Variants in SLC44A5 observed in about 807,000 individuals in gnomAD.
SLC44A5 encodes choline transporter-like protein 5.
A neutral mutation model predicts 101.8 loss-of-function variants in SLC44A5; 57 were observed. That is an observed-to-expected ratio of 0.56 (90% CI 0.45 to 0.70). SLC44A5 has a LOEUF of 0.70. Among genes scored for constraint, SLC44A5 ranks in the 30% least tolerant of loss-of-function variants. The pLI, the probability that SLC44A5 is intolerant of heterozygous loss-of-function variation, is 0.00. For missense variants in SLC44A5, 737 were observed against 853.1 expected, an observed-to-expected ratio of 0.86 and a Z score of 1.70; for synonymous variants, 281 against 290.9, an observed-to-expected ratio of 0.97 and a Z score of 0.35.
At chr1:75,722,199 T>G in the SLC44A5 span, among the ~76,000 whole-genome samples, 2 of 152,290 alleles carry the variant, frequency 1.3e-5, no homozygotes, top group African/African-American at 4.8e-5. Flanking sequence ...GTGATAATGA[T>G]ATTGAGAAGA....
At chr1:75,646,303 T>G in the SLC44A5 span, among the ~76,000 whole-genome samples, 1 of 150,242 alleles carries the variant, frequency 6.7e-6, no homozygotes, top group East Asian at 2.1e-4. Context: ...CCTCTTTTAT[T>G]TCATTGAGCA....
chr1:75,668,315 CTTTTTTTTTTTTTTTTT>C, the SLC44A5 span, among the ~76,000 whole-genome samples: 1 of 65,088 alleles, frequency 1.5e-5, no homozygotes, highest in Non-Finnish European at 2.8e-5. Context: ...TCCTAGGAGC[CTTTTTTTTTTTTTTTTT>C]TTTTTTTTTG....
chr1:75,295,614 A>G lies in SLC44A5; in HGVS notation c.175+4998T>C, dbSNP rs1261075870. The stretch of plus-strand genomic sequence containing the variant: ...CTGATCAACCAAGAAGCCAGTTTGG[A>G]TGCAGCCATTCTGACCCTTGTCATG... On this transcript the variant is annotated intron_variant, in intron 5 of 23. Coordinates refer to ENST00000370859, the MANE Select transcript of SLC44A5 (RefSeq NM_001130058.2). 2.6e-5 allele frequency among the ~76,000 whole-genome samples: 4 copies of G among 152,324 alleles called. No homozygotes were observed. The East Asian group carries it at 5.8e-4, about 22-fold the overall frequency.
intron 2 of SLC44A5, among the ~76,000 whole-genome samples, chr1:75,405,755 G>C (rs767111427): frequency 6.6e-6 from 1 of 151,984 alleles, no homozygotes; most frequent in East Asian, 1.9e-4. Flanking sequence ...GAGAAAGAAG[G>C]AAAGATCTAA....
intron 6 of SLC44A5, among the ~76,000 whole-genome samples, chr1:75,265,946 TAA>T (rs999078575): frequency 6.6e-5 from 10 of 152,190 alleles, no homozygotes; most frequent in Non-Finnish European, 1.2e-4. Context: ...GGTCTGTACC[TAA>T]GTGTCATGAG....
chr1:75,444,480 A>AG (rs1557790185), intron 2 of SLC44A5, among the ~76,000 whole-genome samples: 3 of 129,112 alleles, frequency 2.3e-5, no homozygotes, highest in African/African-American at 8.7e-5. Flanking sequence ...AAAGAGAAAG[A>AG]AAGAAGAAAG....
chr1:75,351,829 T>A (rs1404971254), intron 3 of SLC44A5, among the ~76,000 whole-genome samples: 2 of 5,068 alleles, frequency 3.9e-4, no homozygotes, highest in African/African-American at 1.0e-3. Flanking sequence ...CTCATCATAA[T>A]GAATAACACA....
upstream of SLC44A5, among the ~76,000 whole-genome samples, chr1:75,612,789 G>T (rs1675711459): frequency 1.3e-5 from 2 of 150,728 alleles, no homozygotes; most frequent in African/African-American, 4.9e-5. Flanking sequence ...TGAGCAAGAA[G>T]TCTTTGTTGT....
intron 3 of SLC44A5, among the ~76,000 whole-genome samples, chr1:75,383,917 A>C (rs1404941701): frequency 4.6e-5 from 7 of 152,136 alleles, no homozygotes; most frequent in South Asian, 2.1e-4. Context: ...TTCTTAAAGA[A>C]AAGAATTGTC....
intron 3 of SLC44A5, among the ~76,000 whole-genome samples, chr1:75,388,226 A>G (rs1160281323): frequency 2.0e-5 from 3 of 150,510 alleles, no homozygotes; most frequent in African/African-American, 7.4e-5. Flanking sequence ...AAATAAATAA[A>G]TAAATAAATC....
intron 3 of SLC44A5, among the ~76,000 whole-genome samples, chr1:75,389,002 A>G (rs1661603337): frequency 6.6e-6 from 1 of 152,150 alleles, no homozygotes; most frequent in Non-Finnish European, 1.5e-5. Flanking sequence ...TCAAATAAAC[A>G]GGAAATGAAA....
intron 4 of SLC44A5, among the ~76,000 whole-genome samples, chr1:75,318,423 GAAA>G (rs1655880308): frequency 7.5e-6 from 1 of 133,392 alleles, no homozygotes; most frequent in Non-Finnish European, 1.7e-5. Context: ...AAGAAAGAAA[GAAA>G]GAAAGAAATC....
chr1:75,697,950 T>G, the SLC44A5 span, among the ~76,000 whole-genome samples: 1 of 152,140 alleles, frequency 6.6e-6, no homozygotes, highest in South Asian at 2.1e-4. Context: ...CCAACGGGCT[T>G]AAAAAACCAT....
chr1:75,490,591 C>T (rs1012468179), intron 2 of SLC44A5, among the ~76,000 whole-genome samples: 1 of 152,196 alleles, frequency 6.6e-6, no homozygotes, highest in African/African-American at 2.4e-5. Flanking sequence ...TCAAAACCTT[C>T]TACACTCTCA....
At chr1:75,481,597 C>T (rs1255858654) in intron 2 of SLC44A5, among the ~76,000 whole-genome samples, 1 of 151,898 alleles carries the variant, frequency 6.6e-6, no homozygotes, top group Non-Finnish European at 1.5e-5. Context: ...GGGCGAAGGA[C>T]ATGAACAGAC....
chr1:75,611,329 G>T (rs376542045), upstream of SLC44A5, among the ~76,000 whole-genome samples: 9 of 152,194 alleles, frequency 5.9e-5, no homozygotes, highest in South Asian at 1.9e-3. Context: ...GTTTGGAGGT[G>T]GAAGTAGGCC....
chr1:75,203,911 G>A lies in SLC44A5; in HGVS notation c.2048-78C>T, dbSNP rs192462128. ...TAACACCGCCATCTGCTGTATACTC[G>A]CTTTACAGCAGTTCAAAATCCTTTT... On this transcript the variant is annotated intron_variant, in intron 23 of 23. Transcript: ENST00000370859. 181 of 1,379,518 alleles carry A rather than the reference G, an allele frequency of 1.3e-4. No individual in the cohort carries two copies. In the East Asian group the frequency reaches 4.5e-3, roughly 34 times the overall value. 85.5% of individuals were successfully genotyped at this position (1,379,518 alleles called of 1,614,324 possible).
intron 2 of SLC44A5, among the ~76,000 whole-genome samples, chr1:75,537,344 C>A (rs1671111067): frequency 6.6e-6 from 1 of 152,044 alleles, no homozygotes; most frequent in African/African-American, 2.4e-5. Flanking sequence ...TGAATAATAG[C>A]AATGTGTTAT....
chr1:75,540,586 A>G (rs997874943), intron 2 of SLC44A5, among the ~76,000 whole-genome samples: 1 of 152,184 alleles, frequency 6.6e-6, no homozygotes, highest in Non-Finnish European at 1.5e-5. Context: ...AGACCTTTAG[A>G]TCTTATTTTT....
Sources: allele counts gnomAD v4.1 joint callset (sites outside exome capture counted in the v4.1 genomes callset), GRCh38; gene constraint gnomAD v4.1.1; transcripts MANE v1.5; gene names NCBI Gene and HGNC (gene_info 2026-07-23, HGNC 2026-07-21).